EFCAB8: variants seen among roughly 807,000 people sequenced by gnomAD.
The protein encoded by EFCAB8 is EF-hand calcium-binding domain-containing protein 8.
Under a neutral mutation model 116.3 loss-of-function variants are expected in EFCAB8, and 100 were observed. That is an observed-to-expected ratio of 0.86 (90% confidence interval 0.73 to 1.02). The LOEUF (loss-of-function observed/expected upper bound fraction) is 1.02, where lower values mean the gene tolerates loss of function less well. EFCAB8 is among the 50% of genes least tolerant of loss of function. The pLI, the probability that EFCAB8 is intolerant of heterozygous loss-of-function variation, is 0.00. For synonymous variants in EFCAB8, 558 were observed against 567.9 expected (o/e 0.98, Z 0.25); for missense variants, 1,320 against 1,416.9 (o/e 0.93, Z 1.10).
intron 22 of EFCAB8, among the ~76,000 whole-genome samples, chr20:32,931,764 GAAAAAGAGTTA>G (rs1987919955): frequency 1.9e-5 from 2 of 102,754 alleles, no homozygotes; most frequent in Admixed American, 1.2e-4. Flanking sequence ...TTTCAAAAAA[GAAAAAGAGTTA>G]GTATTCGTAA....
chr20:32,899,958 T>C (rs1986351565), intron 11 of EFCAB8, among the ~76,000 whole-genome samples: 1 of 152,196 alleles, frequency 6.6e-6, no homozygotes, highest in Non-Finnish European at 1.5e-5. Context: ...GGAGTCTTCC[T>C]GCTGGGTGGC....
chr20:32,930,115 A>G (rs146497319), intron 20 of EFCAB8, among the ~76,000 whole-genome samples: 260 of 152,338 alleles, frequency 1.7e-3, no homozygotes, highest in East Asian at 5.0e-3. Flanking sequence ...TTCATTTGAT[A>G]AACATTTATT....
chr20:32,952,711 T>G (rs1988838419), intron 23 of EFCAB8, among the ~76,000 whole-genome samples: 1 of 152,220 alleles, frequency 6.6e-6, no homozygotes, highest in Admixed American at 6.5e-5. Flanking sequence ...TTTATCAGTG[T>G]ATCACTTGCC....
At chr20:32,863,720 G>A (rs1984244911) in intron 1 of EFCAB8, 63 bp from the exon 2 acceptor site, 1 of 1,508,924 alleles carries the variant, frequency 6.6e-7, no homozygotes, top group Admixed American at 2.1e-5. Context: ...ACCTGGCTAA[G>A]TCAGCCTTCC....
chr20:32,924,672 G>A (rs1033658972), intron 20 of EFCAB8, among the ~76,000 whole-genome samples: 2 of 152,152 alleles, frequency 1.3e-5, no homozygotes, highest in South Asian at 4.1e-4. Context: ...GCCACTGTTG[G>A]GAATTCCTTG....
In EFCAB8 at chr20:32,911,521, G is replaced by A; in HGVS notation, c.1599G>A (p.Glu533=). The change falls in exon 16 of 27, where the codon GAG becomes GAA. Residue 533 remains glutamate, a synonymous_variant. Coordinates refer to ENST00000400522, the MANE Select transcript of EFCAB8 (RefSeq NM_001143967.2). ...TGCGCGGCACAGTGAGTGTGTGGGA[G>A]GTCGTGACGGGCAGGAAGACGATGG... ...GCLRGTVSVW[E]VVTGRKTMEF... 1 of 1,511,714 alleles carries A rather than the reference G, an allele frequency of 6.6e-7. No homozygotes were observed. Among genetic ancestry groups the A allele is most frequent in the Non-Finnish European group, 8.9e-7 (1 of 1,124,208 alleles). 93.6% of individuals were successfully genotyped at this position (1,511,714 alleles called of 1,614,324 possible).
chr20:32,896,653 G>C, intron 10 of EFCAB8, 126 bp downstream of exon 10: 1 of 630,848 alleles, frequency 1.6e-6, no homozygotes, highest in South Asian at 1.9e-5. Context: ...TTGGTCTCTG[G>C]AAACAGGTTG....
intron 5 of EFCAB8, among the ~76,000 whole-genome samples, chr20:32,881,259 C>T (rs955360859): frequency 1.3e-5 from 2 of 152,056 alleles, no homozygotes; most frequent in Admixed American, 6.6e-5. Context: ...TGCAGTGGTG[C>T]GGTCTTAGCT....
At chr20:32,881,292 G>A (rs144085454) in intron 5 of EFCAB8, among the ~76,000 whole-genome samples, 11 of 152,278 alleles carry the variant, frequency 7.2e-5, no homozygotes, top group Non-Finnish European at 1.0e-4. Context: ...TGCCTCCCGG[G>A]TTCAAGTGAT....
At chr20:32,922,268 C>T (rs1363391199) in intron 20 of EFCAB8, among the ~76,000 whole-genome samples, 4 of 152,196 alleles carry the variant, frequency 2.6e-5, no homozygotes, top group Admixed American at 2.6e-4. Flanking sequence ...AACATTCTTG[C>T]ACGTACATTT....
intron 11 of EFCAB8, among the ~76,000 whole-genome samples, chr20:32,905,869 C>T (rs1013304564): frequency 1.9e-4 from 29 of 151,850 alleles, no homozygotes; most frequent in African/African-American, 6.5e-4. Flanking sequence ...GGAAGGCAAG[C>T]GTGGCCCTCC....
chr20:32,923,465 G>A (rs1824059658), intron 20 of EFCAB8, among the ~76,000 whole-genome samples: 1 of 152,020 alleles, frequency 6.6e-6, no homozygotes, highest in African/African-American at 2.4e-5. Flanking sequence ...CAGCCTGGGT[G>A]ACACAGTGAG....
In EFCAB8 at chr20:32,885,493, C is replaced by T. The variant is rs187962878; in HGVS notation, c.432-12C>T. ...TTGCTTGGGCTCTTCTCTCTTTCAT[C>T]GCCTCCCACAGGAACCATGGCTGTG... On this transcript the variant is annotated splice_polypyrimidine_tract_variant and intron_variant, in intron 5 of 26. Coordinates refer to ENST00000400522, the MANE Select transcript of EFCAB8 (RefSeq NM_001143967.2). 94 of 1,551,544 alleles carry T rather than the reference C, an allele frequency of 6.1e-5. No homozygotes were observed. The Admixed American group carries it at 7.1e-4, about 12-fold the overall frequency.
intron 1 of EFCAB8, among the ~76,000 whole-genome samples, chr20:32,862,970 ACTGT>A (rs1229997087): frequency 1.3e-5 from 2 of 151,082 alleles, no homozygotes; most frequent in Non-Finnish European, 2.9e-5. Context: ...TTTTGTTCAG[ACTGT>A]CTGGCCAGGT....
At chr20:32,878,303 G>A (rs1202623708) in intron 4 of EFCAB8, among the ~76,000 whole-genome samples, 1 of 151,870 alleles carries the variant, frequency 6.6e-6, no homozygotes, top group Non-Finnish European at 1.5e-5. Context: ...GTGGCTCATG[G>A]TTATAATCCC....
Position 32,911,481 on chromosome 20 carries a change from TG to T in EFCAB8, c.1561del (p.Val521Ter), listed in dbSNP as rs1394889502. 1.3e-6 allele frequency: 2 copies of T among 1,483,456 alleles called. No homozygotes were observed. Among genetic ancestry groups the T allele is most frequent in the Non-Finnish European group, 1.8e-6 (2 of 1,109,720 alleles). The allele number at this position is 1,483,456 out of a possible 1,614,324, so 91.9% of individuals were successfully genotyped here. A position where few individuals can be genotyped will look rare whatever the true frequency, so the allele number is the denominator to read the frequency against. On this transcript the variant is annotated frameshift_variant and splice_region_variant, in exon 16 of 27. Coordinates refer to ENST00000400522, the MANE Select transcript of EFCAB8 (RefSeq NM_001143967.2). LOFTEE classifies it high-confidence loss of function. ...AVLYSKIFKQ[V>X]VSGCLRGTVS... The stretch of plus-strand genomic sequence containing the variant: ...CCCCCAGCTGTGTGCTCCCTACAGG[TG>T]GTGAGTGGCTGCCTGCGCGGCACAG...
At chr20:32,944,126 GC>G (rs1323759379) in intron 23 of EFCAB8, among the ~76,000 whole-genome samples, 1 of 152,178 alleles carries the variant, frequency 6.6e-6, no homozygotes, top group Admixed American at 6.5e-5. Flanking sequence ...GAAGGGTTCA[GC>G]TTGGTGAATT....
chr20:32,897,286 GCTC>G (rs748640886), intron 10 of EFCAB8, among the ~76,000 whole-genome samples: 1 of 152,064 alleles, frequency 6.6e-6, no homozygotes, highest in Non-Finnish European at 1.5e-5. Context: ...GAGATCGACA[GCTC>G]CTCAACGGCA....
At position 32,876,030 on chromosome 20, in the gene EFCAB8, G is replaced by A. The variant is rs1182361268; in HGVS notation, c.313G>A (p.Gly105Ser). The A allele has an allele frequency of 6.4e-7, 1 of 1,552,036 alleles. No homozygotes were observed. Among genetic ancestry groups the A allele is most frequent in the Non-Finnish European group, 8.7e-7 (1 of 1,147,108 alleles). The part of the protein sequence containing the change: ...LFLKVDSDCE[G>S]FVTWQKYVDY... ...TTTGAAGGTGGACTCGGACTGTGAA[G>A]GCTTTGTCACCTGGGTGAGGAGGGT... is the stretch of plus-strand genomic sequence containing the variant. Residue 105 changes from glycine (G) to serine (S), a missense_variant, in exon 4 of 27, where the codon GGC becomes AGC. By Grantham distance (56) the Gly-to-Ser change is moderately conservative. Coordinates refer to ENST00000400522, the MANE Select transcript of EFCAB8 (RefSeq NM_001143967.2).
Sources: gnomAD v4.1 joint callset for allele counts (sites outside exome capture counted in the v4.1 genomes callset) on GRCh38, gnomAD v4.1.1 for gene constraint, MANE v1.5 for transcripts, NCBI Gene and HGNC (gene_info 2026-07-23, HGNC 2026-07-21) for gene names.